SUGCT: variants seen among roughly 807,000 people sequenced by gnomAD.
SUGCT encodes succinyl-CoA:glutarate-CoA transferase.
Under a neutral mutation model 55.0 loss-of-function variants are expected in SUGCT, and 41 were observed. The ratio of observed to expected loss-of-function variants is 0.74; its 90% confidence interval spans 0.58 to 0.97. The LOEUF (loss-of-function observed/expected upper bound fraction) is 0.97. SUGCT is among the 50% of genes least tolerant of loss of function. The pLI is 0.00. For missense variants in SUGCT, 568 were observed against 547.8 expected (o/e 1.04, Z -0.37); for synonymous variants, 187 against 200.4 (o/e 0.93, Z 0.56).
At chr7:40,220,682 A>G (rs1358238126) in intron 6 of SUGCT, among the ~76,000 whole-genome samples, 1 of 152,236 alleles carries the variant, frequency 6.6e-6, no homozygotes, top group Non-Finnish European at 1.5e-5. Flanking sequence ...CCACAAATAC[A>G]TAGATATATC....
the SUGCT span, among the ~76,000 whole-genome samples, chr7:40,944,058 T>G: frequency 1.3e-5 from 2 of 151,974 alleles, no homozygotes; most frequent in East Asian, 1.9e-4. Flanking sequence ...TCATGTGTCT[T>G]TTGGCTGCAT....
the SUGCT span, among the ~76,000 whole-genome samples, chr7:40,893,321 A>G: frequency 2.0e-5 from 3 of 152,224 alleles, no homozygotes; most frequent in African/African-American, 7.2e-5. Flanking sequence ...TTCAAATGTT[A>G]TAGATCAAAT....
the SUGCT span, among the ~76,000 whole-genome samples, chr7:40,927,550 G>A: frequency 6.6e-6 from 1 of 152,124 alleles, no homozygotes; most frequent in Non-Finnish European, 1.5e-5. Flanking sequence ...TTCAGACCTG[G>A]GAAAACTTAG....
At chr7:40,551,615 C>A (rs1795302796) in intron 12 of SUGCT, among the ~76,000 whole-genome samples, 1 of 152,138 alleles carries the variant, frequency 6.6e-6, no homozygotes, top group Non-Finnish European at 1.5e-5. Flanking sequence ...CCCATGGGCA[C>A]CATAAGTGAT....
At chr7:40,762,081 A>C (rs201657023) in intron 13 of SUGCT, among the ~76,000 whole-genome samples, 77 of 152,334 alleles carry the variant, frequency 5.1e-4, no homozygotes, top group Non-Finnish European at 1.0e-3. Context: ...TCATTTGACA[A>C]GGAAAGGCAT....
At chr7:40,355,324 T>A (rs529725657) in intron 9 of SUGCT, among the ~76,000 whole-genome samples, 1 of 152,372 alleles carries the variant, frequency 6.6e-6, no homozygotes, top group South Asian at 2.1e-4. Context: ...AGGAGGTTCA[T>A]CATATCTCAT....
chr7:40,982,912 G>A, the SUGCT span, among the ~76,000 whole-genome samples: 3 of 152,112 alleles, frequency 2.0e-5, no homozygotes, highest in African/African-American at 7.2e-5. Flanking sequence ...GCCTCCCAAC[G>A]TTCTGGGATT....
intron 7 of SUGCT, among the ~76,000 whole-genome samples, chr7:40,254,112 C>A (rs985573615): frequency 6.6e-6 from 1 of 152,108 alleles, no homozygotes; most frequent in African/African-American, 2.4e-5. Context: ...TTATATTTGA[C>A]CCCTAAATGG....
intron 13 of SUGCT, among the ~76,000 whole-genome samples, chr7:40,774,777 T>TACAA (rs1789365604): frequency 7.5e-6 from 1 of 132,628 alleles, no homozygotes; most frequent in Non-Finnish European, 1.6e-5. Flanking sequence ...TTTTGGCAAA[T>TACAA]AAAAAAAAAA....
chr7:40,779,408 A>G (rs1789621049), intron 13 of SUGCT, among the ~76,000 whole-genome samples: 1 of 152,214 alleles, frequency 6.6e-6, no homozygotes, highest in Non-Finnish European at 1.5e-5. Flanking sequence ...TATTAAATAC[A>G]AAATATGAGT....
Position 40,237,326 on chromosome 7 carries a change from C to G in SUGCT, c.485-309C>G, listed in dbSNP as rs376353853. Reference sequence around the variant, plus strand: ...GGGTGTGATGGTGCACGCCTGTTATCCTAGCTACTCGGGAGGCTGAGGAAG... The same window carrying G: ...GGGTGTGATGGTGCACGCCTGTTATGCTAGCTACTCGGGAGGCTGAGGAAG... On this transcript the variant is annotated intron_variant, in intron 6 of 13. Transcript: ENST00000335693. 3.3e-5 allele frequency among the ~76,000 whole-genome samples: 5 copies of G among 152,024 alleles called. No individual in the cohort carries two copies. The East Asian group carries it at 7.9e-4, about 24-fold the overall frequency.
chr7:40,977,961 C>T, the SUGCT span, among the ~76,000 whole-genome samples: 2 of 152,212 alleles, frequency 1.3e-5, no homozygotes, highest in Non-Finnish European at 2.9e-5. Context: ...AAACCTCGGC[C>T]ATCTTGGGGC....
At chr7:40,145,370 C>T (rs367804885) in intron 1 of SUGCT, among the ~76,000 whole-genome samples, 2 of 151,958 alleles carry the variant, frequency 1.3e-5, no homozygotes, top group Non-Finnish European at 2.9e-5. Context: ...TTTTTTTTCA[C>T]GACTTTCACA....
intron 9 of SUGCT, among the ~76,000 whole-genome samples, chr7:40,385,739 GT>G (rs1785088378): frequency 1.3e-5 from 2 of 152,002 alleles, no homozygotes; most frequent in Non-Finnish European, 2.9e-5. Context: ...CCTCAAATCT[GT>G]TTTTGTACTA....
intron 11 of SUGCT, among the ~76,000 whole-genome samples, chr7:40,479,190 A>G (rs35350889): frequency 1.3e-3 from 196 of 152,280 alleles, no homozygotes; most frequent in Middle Eastern, 3.4e-3. Context: ...TGAAATGAAC[A>G]TGAGAGTGAA....
the SUGCT span, among the ~76,000 whole-genome samples, chr7:40,895,140 A>C: frequency 6.6e-6 from 1 of 152,206 alleles, no homozygotes; most frequent in Non-Finnish European, 1.5e-5. Flanking sequence ...AAAAAGAATG[A>C]AATTATGCAT....
chr7:40,323,019 A>G (rs1057051274), intron 9 of SUGCT, among the ~76,000 whole-genome samples: 3 of 129,834 alleles, frequency 2.3e-5, no homozygotes, highest in Admixed American at 1.6e-4. Context: ...GAGTCCCATC[A>G]CTCCTTATAC....
chr7:40,188,033 C>T lies in SUGCT; in HGVS notation c.227-462C>T, dbSNP rs367743986. 4.0e-5 allele frequency among the ~76,000 whole-genome samples: 6 copies of T among 151,866 alleles called. No homozygotes were observed. The South Asian group carries it at 8.3e-4, about 21-fold the overall frequency. ...TACAAAAATTAGCCGGGCATGTTGGCGGGTACCTGTAATCCCAGCTAGTTT... is the reference window on the plus strand; with the variant it reads ...TACAAAAATTAGCCGGGCATGTTGGTGGGTACCTGTAATCCCAGCTAGTTT... On this transcript the variant is annotated intron_variant, in intron 3 of 13. Transcript: ENST00000335693.
At chr7:40,564,019 C>T (rs1187517025) in intron 12 of SUGCT, among the ~76,000 whole-genome samples, 1 of 152,176 alleles carries the variant, frequency 6.6e-6, no homozygotes, top group East Asian at 1.9e-4. Context: ...TAGAAGTAAA[C>T]ATACCAAAAC....
Sources: gnomAD v4.1 joint callset for allele counts (sites outside exome capture counted in the v4.1 genomes callset) on GRCh38, gnomAD v4.1.1 for gene constraint, MANE v1.5 for transcripts, NCBI Gene and HGNC (gene_info 2026-07-23, HGNC 2026-07-21) for gene names.